MACROD2: variants seen among roughly 807,000 people sequenced by gnomAD.
The protein encoded by MACROD2 is ADP-ribose glycohydrolase MACROD2.
MACROD2 carries 36 observed loss-of-function variants against 70.4 expected under a neutral mutation model. The ratio of observed to expected loss-of-function variants is 0.51; its 90% CI spans 0.39 to 0.68. MACROD2 has a LOEUF of 0.68. Ranked by LOEUF, MACROD2 falls within the 30% of genes least tolerant of loss-of-function variation. MACROD2 has a pLI of 0.00. For synonymous variants in MACROD2, 172 were observed against 178.8 expected, an observed-to-expected ratio of 0.96 and a Z score of 0.30; for missense variants, 496 against 538.4, an observed-to-expected ratio of 0.92 and a Z score of 0.78.
At chr20:14,688,948 G>A (rs1600542633) in intron 5 of MACROD2, among the ~76,000 whole-genome samples, 3 of 152,064 alleles carry the variant, frequency 2.0e-5, no homozygotes, top group South Asian at 2.1e-4. Flanking sequence ...TTTTCCTTCC[G>A]CAATTATTCT....
At chr20:14,000,380 G>C (rs1039746221) in intron 1 of MACROD2, among the ~76,000 whole-genome samples, 2 of 151,740 alleles carry the variant, frequency 1.3e-5, no homozygotes, top group African/African-American at 4.8e-5. Flanking sequence ...AAAAATATTG[G>C]TTCCCCATTT....
At chr20:15,859,066 A>G (rs1306341591) in intron 8 of MACROD2, among the ~76,000 whole-genome samples, 2 of 152,204 alleles carry the variant, frequency 1.3e-5, no homozygotes, top group Non-Finnish European at 2.9e-5. Flanking sequence ...TGTATTATAT[A>G]GCTGTATTCT....
chr20:14,639,011 G>A (rs1338669247), intron 4 of MACROD2, among the ~76,000 whole-genome samples: 1 of 151,630 alleles, frequency 6.6e-6, no homozygotes, highest in Admixed American at 6.6e-5. Flanking sequence ...TAGGTTAGTA[G>A]CACATAGTAG....
intron 8 of MACROD2, among the ~76,000 whole-genome samples, chr20:15,526,770 G>A (rs1378006680): frequency 6.6e-6 from 1 of 152,114 alleles, no homozygotes; most frequent in African/African-American, 2.4e-5. Context: ...TTTTTGGCCA[G>A]GATGGCTTGG....
At chr20:15,425,844 A>C (rs891427980) in intron 6 of MACROD2, among the ~76,000 whole-genome samples, 1 of 152,220 alleles carries the variant, frequency 6.6e-6, no homozygotes, top group African/African-American at 2.4e-5. Flanking sequence ...AAGAATGCCT[A>C]AACTGAGAAT....
intron 5 of MACROD2, among the ~76,000 whole-genome samples, chr20:14,936,577 A>G (rs914672426): frequency 3.9e-5 from 6 of 152,024 alleles, no homozygotes; most frequent in African/African-American, 1.4e-4. Context: ...TCTCTCCTCC[A>G]GGAGCTGATC....
At chr20:14,179,313 T>C (rs986651567) in intron 3 of MACROD2, among the ~76,000 whole-genome samples, 22 of 152,220 alleles carry the variant, frequency 1.4e-4, no homozygotes, top group African/African-American at 5.3e-4. Context: ...ATTTTCTTTG[T>C]AACTGAAAGT....
At chr20:14,782,080 C>T (rs746981244) in intron 5 of MACROD2, among the ~76,000 whole-genome samples, 8 of 151,970 alleles carry the variant, frequency 5.3e-5, no homozygotes, top group Non-Finnish European at 7.4e-5. Flanking sequence ...TGTGCCACCA[C>T]GCCCAGATAA....
Position 14,569,892 on chromosome 20 carries a change from G to A in MACROD2, c.301+76384G>A, listed in dbSNP as rs542996342. Among the ~76,000 whole-genome samples, 11 of 152,106 alleles carry A rather than the reference G, an allele frequency of 7.2e-5. No homozygotes were observed. The East Asian group carries it at 2.1e-3, about 29-fold the overall frequency. On this transcript the variant is annotated intron_variant, in intron 4 of 17. Coordinates refer to ENST00000684519, the MANE Select transcript of MACROD2 (RefSeq NM_001351661.2). ...TAGTTAAAATGAAAAAAAAGGGGCA[G>A]TGTAAAGCATGGGAGGAACTGAGAT...
intron 5 of MACROD2, among the ~76,000 whole-genome samples, chr20:14,981,386 G>T (rs2074797519): frequency 6.7e-6 from 1 of 149,912 alleles, no homozygotes; most frequent in African/African-American, 2.5e-5. Flanking sequence ...CTTTGGAAAA[G>T]CCTTACTGTA....
chr20:16,004,788 G>A lies in MACROD2; in HGVS notation c.1153+17630G>A, dbSNP rs564580293. ...TGCGAGCCATGGCTCCCTTCTCTCC[G>A]TCTTGCAGTACTCTCTCTCTTTCTC... On this transcript the variant is annotated intron_variant, in intron 15 of 17. Transcript: ENST00000684519. Among the ~76,000 whole-genome samples, 16 of 152,304 alleles carry A rather than the reference G, an allele frequency of 1.1e-4. No homozygotes were observed. The East Asian group carries it at 2.1e-3, about 20-fold the overall frequency.
intron 4 of MACROD2, chr20:14,636,352 C>G (rs779598665): frequency 1.3e-5 from 2 of 152,158 alleles, no homozygotes; most frequent in African/African-American, 4.8e-5. Flanking sequence ...CACTCTCTGA[C>G]CCCCGTCTCT....
chr20:15,674,673 C>A (rs904907143), intron 8 of MACROD2, among the ~76,000 whole-genome samples: 1 of 151,968 alleles, frequency 6.6e-6, no homozygotes, highest in Non-Finnish European at 1.5e-5. Flanking sequence ...TCTGCATCCT[C>A]GCATGGTAGG....
intron 3 of MACROD2, among the ~76,000 whole-genome samples, chr20:14,472,372 T>G (rs1439546704): frequency 6.6e-6 from 1 of 152,208 alleles, no homozygotes; most frequent in African/African-American, 2.4e-5. Flanking sequence ...TACTGTAAAA[T>G]TGGCATTGTT....
intron 3 of MACROD2, among the ~76,000 whole-genome samples, chr20:14,118,829 T>C (rs1569166402): frequency 6.6e-6 from 1 of 151,674 alleles, no homozygotes; most frequent in Non-Finnish European, 1.5e-5. Flanking sequence ...AAATGACAAC[T>C]TTAGTGACTG....
chr20:14,451,985 C>G (rs1235376529), intron 3 of MACROD2, among the ~76,000 whole-genome samples: 1 of 152,068 alleles, frequency 6.6e-6, no homozygotes, highest in Non-Finnish European at 1.5e-5. Context: ...ACATAAAGCT[C>G]ACGCTCAGAA....
intron 7 of MACROD2, among the ~76,000 whole-genome samples, chr20:15,448,975 G>A (rs1191422883): frequency 1.3e-5 from 2 of 152,072 alleles, no homozygotes. Flanking sequence ...ACTCAGAGCA[G>A]ATAATCAAAC....
intron 6 of MACROD2, among the ~76,000 whole-genome samples, chr20:15,357,578 T>G (rs2078302166): frequency 6.6e-6 from 1 of 152,134 alleles, no homozygotes; most frequent in Non-Finnish European, 1.5e-5. Flanking sequence ...TAATTAATAA[T>G]AATTCCTACA....
intron 3 of MACROD2, among the ~76,000 whole-genome samples, chr20:14,355,142 A>C (rs2083160558): frequency 6.6e-6 from 1 of 152,184 alleles, no homozygotes; most frequent in Admixed American, 6.5e-5. Flanking sequence ...CAGCAATGGG[A>C]TTGCAGGGTA....
Sources: allele counts gnomAD v4.1 joint callset (sites outside exome capture counted in the v4.1 genomes callset), GRCh38; gene constraint gnomAD v4.1.1; transcripts MANE v1.5; gene names NCBI Gene and HGNC (gene_info 2026-07-23, HGNC 2026-07-21).